LMOD1: variants seen among roughly 807,000 people sequenced by gnomAD.
LMOD1 encodes the protein leiomodin 1.
Under a neutral mutation model 36.5 loss-of-function variants are expected in LMOD1, and 8 were observed. The observed-to-expected ratio is 0.22, with a 90% confidence interval of 0.13 to 0.40. LMOD1 has a LOEUF of 0.40. LMOD1 is among the 10% of genes least tolerant of loss of function. The pLI, the probability that LMOD1 is intolerant of heterozygous loss-of-function variation, is 1.00. For missense variants in LMOD1, 630 were observed against 751.1 expected, an observed-to-expected ratio of 0.84 and a Z score of 1.88; for synonymous variants, 284 against 288.7, an observed-to-expected ratio of 0.98 and a Z score of 0.17.
chr1:201,933,808 A>T (rs947367203), intron 1 of LMOD1, among the ~76,000 whole-genome samples: 1 of 152,028 alleles, frequency 6.6e-6, no homozygotes, highest in Non-Finnish European at 1.5e-5. Flanking sequence ...AAAATGTTAT[A>T]AAAACATTAT....
chr1:201,924,667 AAGAAAGAAAGAAAGAAAGAAAGAAAG>A (rs1681788363), intron 1 of LMOD1, among the ~76,000 whole-genome samples: 1 of 5,860 alleles, frequency 1.7e-4, no homozygotes, highest in Non-Finnish European at 3.9e-4. Context: ...AAAGAAAAAA[AAGAAAGAAAGAAAGAAAGAAAGAAAG>A]AAAGAAAGAA....
At chr1:201,898,915 G>T (rs988185274) in intron 2 of LMOD1, among the ~76,000 whole-genome samples, 2 of 152,170 alleles carry the variant, frequency 1.3e-5, no homozygotes, top group Non-Finnish European at 2.9e-5. Context: ...AGGACCCGAG[G>T]CAAAACTACT....
chr1:201,938,663 C>A (rs1445332573), intron 1 of LMOD1, among the ~76,000 whole-genome samples: 1 of 152,206 alleles, frequency 6.6e-6, no homozygotes, highest in Non-Finnish European at 1.5e-5. Context: ...GTCCTGCCAG[C>A]CCTGCCGGCT....
intron 1 of LMOD1, among the ~76,000 whole-genome samples, chr1:201,905,735 G>A (rs1681400764): frequency 6.6e-6 from 1 of 152,196 alleles, no homozygotes; most frequent in Non-Finnish European, 1.5e-5. Context: ...CTGCAAGGGA[G>A]GAAGTCTGCA....
intron 1 of LMOD1, among the ~76,000 whole-genome samples, chr1:201,927,457 T>C (rs1490178692): frequency 6.6e-6 from 1 of 151,724 alleles, no homozygotes; most frequent in Non-Finnish European, 1.5e-5. Flanking sequence ...TCCCAGCTAC[T>C]CAGGAGGCTG....
At chr1:201,941,467 C>T (rs12408334) in intron 1 of LMOD1, among the ~76,000 whole-genome samples, 20,207 of 152,214 alleles carry the variant, frequency 0.13, 1,500 homozygotes, top group East Asian at 0.26. Context: ...AACAGGCCCC[C>T]GTCACCTCTT....
rs77803695 is a variant in LMOD1, at chr1:201,932,944, G to A, written c.261+13136C>T. On this transcript the variant is annotated intron_variant, in intron 1 of 2. Coordinates refer to ENST00000367288, the MANE Select transcript of LMOD1 (RefSeq NM_012134.3). ...CTACGACGCAGAAATTCCATTCTTA[G>A]GTACATACCCAACAGAAATGAAGTC... 3.9e-5 allele frequency among the ~76,000 whole-genome samples: 6 copies of A among 152,090 alleles called. No individual in the cohort carries two copies. In the East Asian group the frequency reaches 1.2e-3, roughly 29 times the overall value.
intron 1 of LMOD1, among the ~76,000 whole-genome samples, chr1:201,903,688 G>T (rs896697441): frequency 1.3e-5 from 2 of 152,160 alleles, no homozygotes; most frequent in Non-Finnish European, 2.9e-5. Flanking sequence ...CACTTTTGGA[G>T]CTTGGAGGTG....
intron 1 of LMOD1, among the ~76,000 whole-genome samples, chr1:201,925,600 A>G (rs1411866829): frequency 6.6e-6 from 1 of 150,826 alleles, no homozygotes; most frequent in Non-Finnish European, 1.5e-5. Context: ...AAGCAGGAGG[A>G]TGAACCAGTT....
At chr1:201,924,595 GGGAA>G (rs1337550328) in intron 1 of LMOD1, among the ~76,000 whole-genome samples, 1 of 134,456 alleles carries the variant, frequency 7.4e-6, no homozygotes, top group Admixed American at 7.8e-5. Context: ...GAGGGAGGGA[GGGAA>G]GGAAGGAAGG....
intron 1 of LMOD1, among the ~76,000 whole-genome samples, chr1:201,909,385 C>G (rs1464300912): frequency 1.3e-5 from 2 of 152,228 alleles, no homozygotes; most frequent in African/African-American, 2.4e-5. Flanking sequence ...CATTTCATAG[C>G]TTTGAGCCCA....
At chr1:201,898,726 G>A (rs905780937) in intron 2 of LMOD1, among the ~76,000 whole-genome samples, 4 of 152,196 alleles carry the variant, frequency 2.6e-5, no homozygotes, top group African/African-American at 9.7e-5. Context: ...GAGAAGTAGG[G>A]TGTCCAGGGA....
chr1:201,919,591 T>G (rs1465664648), intron 1 of LMOD1, among the ~76,000 whole-genome samples: 1 of 152,210 alleles, frequency 6.6e-6, no homozygotes, highest in Non-Finnish European at 1.5e-5. Flanking sequence ...AGGTGACCCC[T>G]TCTCTTCTAT....
intron 1 of LMOD1, among the ~76,000 whole-genome samples, chr1:201,916,014 A>G (rs2819350): frequency 0.99 from 151,030 of 151,988 alleles, 75,044 homozygotes; most frequent in East Asian, 1. Context: ...GACTTCCTCC[A>G]GCTTGTGATC....
At chr1:201,922,717 A>G (rs909378036) in intron 1 of LMOD1, among the ~76,000 whole-genome samples, 3 of 149,882 alleles carry the variant, frequency 2.0e-5, no homozygotes, top group African/African-American at 7.3e-5. Flanking sequence ...TGAATATAAT[A>G]TTGTTATATA....
chr1:201,904,786 G>A (rs997395139), intron 1 of LMOD1, among the ~76,000 whole-genome samples: 3 of 152,220 alleles, frequency 2.0e-5, no homozygotes, highest in African/African-American at 4.8e-5. Flanking sequence ...TGCCGCTTGT[G>A]TAGCCCTGAG....
intron 1 of LMOD1, among the ~76,000 whole-genome samples, chr1:201,936,554 A>T (rs1682022956): frequency 6.6e-6 from 1 of 151,548 alleles, no homozygotes; most frequent in Non-Finnish European, 1.5e-5. Context: ...CCCTGCCCCC[A>T]CCCCAGGGCC....
chr1:201,941,633 TC>T (rs1158594783), intron 1 of LMOD1, among the ~76,000 whole-genome samples: 2 of 152,208 alleles, frequency 1.3e-5, no homozygotes, highest in African/African-American at 4.8e-5. Context: ...CCTCGGGCCT[TC>T]CCGGCCCCGT....
chr1:201,925,998 G>A (rs1681821046), intron 1 of LMOD1, among the ~76,000 whole-genome samples: 1 of 152,120 alleles, frequency 6.6e-6, no homozygotes, highest in Admixed American at 6.6e-5. Flanking sequence ...ACAAGTGTGA[G>A]CCACCACACC....
Sources: allele counts gnomAD v4.1 joint callset (sites outside exome capture counted in the v4.1 genomes callset), GRCh38; gene constraint gnomAD v4.1.1; transcripts MANE v1.5; gene names NCBI Gene and HGNC (gene_info 2026-07-23, HGNC 2026-07-21).